The following LRRTM4 variants were observed in gnomAD, a reference collection of about 807,000 sequenced individuals.
LRRTM4 encodes leucine-rich repeat transmembrane neuronal protein 4.
In LRRTM4, 25 loss-of-function variants were observed where a neutral mutation model predicts 47.6. That is an observed-to-expected ratio of 0.53 (90% confidence interval 0.38 to 0.73). The LOEUF is 0.73. LRRTM4 is among the 30% of genes least tolerant of loss of function. The probability of loss-of-function intolerance (pLI) is 0.00; values close to 1 mark genes in which losing one functional copy is unlikely to be tolerated. For missense variants in LRRTM4, 638 were observed against 713.4 expected (o/e 0.89, Z 1.20); for synonymous variants, 311 against 269.5 (o/e 1.15, Z -1.51).
chr2:76,769,687 A>G (rs1317265147), intron 3 of LRRTM4, among the ~76,000 whole-genome samples: 1 of 152,100 alleles, frequency 6.6e-6, no homozygotes, highest in Non-Finnish European at 1.5e-5. Flanking sequence ...AACATACTGA[A>G]TTCGTATCGG....
At chr2:77,156,312 T>C (rs1672558370) in intron 3 of LRRTM4, among the ~76,000 whole-genome samples, 1 of 109,736 alleles carries the variant, frequency 9.1e-6, no homozygotes, top group African/African-American at 3.0e-5. Flanking sequence ...CAAACATAAG[T>C]AAAAGACACA....
At chr2:77,347,229 A>G (rs1389898766) in intron 3 of LRRTM4, among the ~76,000 whole-genome samples, 1 of 152,184 alleles carries the variant, frequency 6.6e-6, no homozygotes, top group African/African-American at 2.4e-5. Context: ...CAGACCCAGG[A>G]GCTGTGATAG....
At chr2:77,072,013 ACTC>A (rs2103829894) in intron 3 of LRRTM4, among the ~76,000 whole-genome samples, 2 of 152,100 alleles carry the variant, frequency 1.3e-5, no homozygotes, top group South Asian at 4.2e-4. Context: ...GAATTATGCA[ACTC>A]CTCTGTCCCT....
intron 3 of LRRTM4, among the ~76,000 whole-genome samples, chr2:77,402,187 C>A (rs1278452715): frequency 1.3e-5 from 2 of 151,678 alleles, no homozygotes; most frequent in Non-Finnish European, 2.9e-5. Flanking sequence ...GCTATGTCAC[C>A]CAGGCTGGAG....
At chr2:77,039,320 G>T (rs55665810) in intron 3 of LRRTM4, among the ~76,000 whole-genome samples, 8 of 111,968 alleles carry the variant, frequency 7.1e-5, no homozygotes, top group South Asian at 2.8e-4. Context: ...TTTTAAAATT[G>T]TAAGTCTTTT....
At chr2:77,472,155 A>G (rs562868259) in intron 3 of LRRTM4, among the ~76,000 whole-genome samples, 3 of 152,234 alleles carry the variant, frequency 2.0e-5, no homozygotes, top group African/African-American at 7.2e-5. Flanking sequence ...TTGTTATTTG[A>G]AATGGCCCCT....
rs143603240 is a variant in LRRTM4 at position 77,123,043 on chromosome 2, A to C, written c.1552-374127T>G. 1.6e-4 allele frequency among the ~76,000 whole-genome samples: 25 copies of C among 151,968 alleles called. No homozygotes were observed. The East Asian group carries it at 4.8e-3, about 29-fold the overall frequency. On this transcript the variant is annotated intron_variant, in intron 3 of 3. Transcript: ENST00000409884. The stretch of plus-strand genomic sequence containing the variant: ...AGAACAAAGAAAAATGATTAGGATC[A>C]ATTCAAATATGCAAAAAAAAGTTTT...
intron 3 of LRRTM4, among the ~76,000 whole-genome samples, chr2:77,080,139 G>C (rs1482780927): frequency 1.3e-5 from 2 of 151,920 alleles, no homozygotes; most frequent in African/African-American, 4.8e-5. Context: ...TTTATTTCTT[G>C]CTTCTTTTCT....
chr2:77,499,937 C>A (rs1314414009), intron 3 of LRRTM4, among the ~76,000 whole-genome samples: 8 of 151,534 alleles, frequency 5.3e-5, no homozygotes, highest in African/African-American at 1.7e-4. Flanking sequence ...CTTTCTTGTT[C>A]TTGTCATTCC....
chr2:77,481,767 T>C (rs1677712117), intron 3 of LRRTM4, among the ~76,000 whole-genome samples: 1 of 152,180 alleles, frequency 6.6e-6, no homozygotes, highest in Non-Finnish European at 1.5e-5. Flanking sequence ...AAATAGAAAG[T>C]CCTTTTTCCA....
chr2:76,887,904 T>G (rs1031689799), intron 3 of LRRTM4, among the ~76,000 whole-genome samples: 1 of 151,038 alleles, frequency 6.6e-6, no homozygotes, highest in Non-Finnish European at 1.5e-5. Context: ...CAAGTGAAAG[T>G]CCTACTATTT....
intron 3 of LRRTM4, among the ~76,000 whole-genome samples, chr2:77,079,696 T>C (rs1680468379): frequency 6.6e-6 from 1 of 152,164 alleles, no homozygotes; most frequent in Non-Finnish European, 1.5e-5. Context: ...GTATTCTGAT[T>C]CCTGATCTTC....
At chr2:76,991,233 G>A (rs941322768) in intron 3 of LRRTM4, among the ~76,000 whole-genome samples, 1 of 151,106 alleles carries the variant, frequency 6.6e-6, no homozygotes, top group South Asian at 2.1e-4. Flanking sequence ...ACACCTAGAG[G>A]AACTAGAAAA....
intron 3 of LRRTM4, among the ~76,000 whole-genome samples, chr2:76,890,439 A>G (rs1673215905): frequency 6.6e-6 from 1 of 152,030 alleles, no homozygotes; most frequent in South Asian, 2.1e-4. Flanking sequence ...AAGTTGCTTC[A>G]AAGGCCAAAA....
chr2:77,182,716 G>C (rs1348728186), intron 3 of LRRTM4, among the ~76,000 whole-genome samples: 1 of 152,114 alleles, frequency 6.6e-6, no homozygotes, highest in Non-Finnish European at 1.5e-5. Flanking sequence ...ATGTTGAATA[G>C]GAGTGGTGAG....
intron 3 of LRRTM4, among the ~76,000 whole-genome samples, chr2:77,066,256 C>T (rs1379177249): frequency 1.3e-5 from 2 of 150,880 alleles, no homozygotes; most frequent in African/African-American, 4.8e-5. Flanking sequence ...TGTCTCAGTT[C>T]TTCATCTATA....
intron 3 of LRRTM4, among the ~76,000 whole-genome samples, chr2:77,474,618 T>C (rs1371591795): frequency 6.6e-6 from 1 of 152,144 alleles, no homozygotes; most frequent in Non-Finnish European, 1.5e-5. Flanking sequence ...GGTACCAAAT[T>C]GTTAAAAGAA....
intron 3 of LRRTM4, among the ~76,000 whole-genome samples, chr2:77,237,654 T>G (rs550682719): frequency 1.3e-5 from 2 of 152,238 alleles, no homozygotes; most frequent in Admixed American, 6.6e-5. Flanking sequence ...TCCGTGATCC[T>G]CCACCAAGTT....
chr2:76,834,368 T>A (rs1448485912), intron 3 of LRRTM4, among the ~76,000 whole-genome samples: 1 of 151,956 alleles, frequency 6.6e-6, no homozygotes. Flanking sequence ...GCCCTTATTT[T>A]TGTACTTAGA....
Sources: gnomAD v4.1 joint callset for allele counts (sites outside exome capture counted in the v4.1 genomes callset) on GRCh38, gnomAD v4.1.1 for gene constraint, MANE v1.5 for transcripts, NCBI Gene and HGNC (gene_info 2026-07-23, HGNC 2026-07-21) for gene names.